SMG1: variants seen among roughly 807,000 people sequenced by gnomAD.
The protein encoded by SMG1 is SMG1 nonsense mediated mRNA decay associated PI3K related kinase, also known as serine/threonine-protein kinase SMG1.
SMG1 carries 22 observed loss-of-function variants against 419.9 expected under a neutral mutation model. The ratio of observed to expected loss-of-function variants is 0.05; its 90% CI spans 0.04 to 0.07. The LOEUF is 0.07. SMG1 is among the 10% of genes least tolerant of loss of function. The probability of loss-of-function intolerance (pLI) is 1.00; values close to 1 mark genes in which losing one functional copy is unlikely to be tolerated. For synonymous variants in SMG1, 1,538 were observed against 1,553.5 expected (o/e 0.99, Z 0.23); for missense variants, 3,185 against 4,342.0 (o/e 0.73, Z 7.49).
intron 31 of SMG1, among the ~76,000 whole-genome samples, 177 bp from the exon 32 acceptor site, chr16:18,852,639 G>A (rs754036465): frequency 1.5e-4 from 23 of 152,170 alleles, no homozygotes; most frequent in Non-Finnish European, 2.9e-4. Context: ...TTCTCTAAAA[G>A]GTTGGTATGT....
In SMG1 at chr16:18,809,334, C is replaced by T. The variant is rs1664462666; in HGVS notation, c.*235G>A. 1 of 512,408 alleles carries T rather than the reference C, an allele frequency of 2.0e-6. No individual in the cohort carries two copies. The highest frequency in any genetic ancestry group is 2.8e-5 in the South Asian group (1 of 35,888). 31.7% of individuals were successfully genotyped at this position (512,408 alleles called of 1,614,324 possible). A position where few individuals can be genotyped will look rare whatever the true frequency, so the allele number is the denominator to read the frequency against. Reference sequence around the variant, plus strand: ...ACAATCTCCGTGTTCAGGCGGTGAGCTTGCTTTCCTTCACCCTTGACCCTG... The same window carrying T: ...ACAATCTCCGTGTTCAGGCGGTGAGTTTGCTTTCCTTCACCCTTGACCCTG... On this transcript the variant is annotated 3_prime_UTR_variant, in exon 63 of 63. Transcript: ENST00000446231.
chr16:18,896,978 A>C (rs1055289848), intron 1 of SMG1, 22 bp from the exon 2 acceptor site: 99 of 1,462,246 alleles, frequency 6.8e-5, no homozygotes, highest in Non-Finnish European at 9.0e-5. Context: ...GAAAAGTTTA[A>C]GATTAGAACT....
In SMG1 at chr16:18,808,674, GCA is replaced by G. The variant is rs1306851488; in HGVS notation, c.*893_*894del. On this transcript the variant is annotated 3_prime_UTR_variant, in exon 63 of 63. Coordinates refer to ENST00000446231, the MANE Select transcript of SMG1 (RefSeq NM_015092.5). Reference sequence around the variant, plus strand: ...TCTGTTAGATTCATTACTTTTGAATGCACAGTGACAATTCTGGAAACTGTACA... The same window carrying G: ...TCTGTTAGATTCATTACTTTTGAATGCAGTGACAATTCTGGAAACTGTACA... The G allele has an allele frequency of 6.6e-6, 1 of 152,624 alleles. No individual in the cohort carries two copies. The highest frequency in any genetic ancestry group is 1.9e-4 in the East Asian group (1 of 5,200). The allele number at this position is 152,624 out of a possible 1,614,324, so 9.5% of individuals were successfully genotyped here.
chr16:18,860,212 T>A (rs2035142091), intron 26 of SMG1, among the ~76,000 whole-genome samples: 1 of 152,198 alleles, frequency 6.6e-6, no homozygotes, highest in Non-Finnish European at 1.5e-5. Flanking sequence ...AGTGAAACTC[T>A]GTCTCAACAA....
In SMG1 at chr16:18,845,596, C is replaced by T. The variant is rs748691778; in HGVS notation, c.6052G>A (p.Val2018Ile). The change falls in exon 39 of 63, where the codon GTA becomes ATA. Residue 2018 changes from valine to isoleucine, a missense_variant. By Grantham distance (29) the Val-to-Ile change is conservative. This residue lies in a region of SMG1 where 159 missense variants were observed against 196.0 expected (regional missense o/e 0.81). Transcript: ENST00000446231. ...CTCCTCACATGCTCCAAAGCAAATA[C>T]GATGGGCTTCATCAAAGCTGTGTGC... ...EKHTALMKPIVFALEHVRSIT... is the reference protein window; with the variant it reads ...EKHTALMKPIIFALEHVRSIT... 13 of 1,613,276 alleles carry T rather than the reference C, an allele frequency of 8.1e-6. No homozygotes were observed. The highest frequency in any genetic ancestry group is 1.7e-5 in the Admixed American group (1 of 59,990).
At chr16:18,853,945 A>AT in intron 30 of SMG1, 78 bp from the exon 31 acceptor site, 6 of 1,317,500 alleles carry the variant, frequency 4.6e-6, no homozygotes, top group Non-Finnish European at 6.2e-6. Flanking sequence ...TAGGAAACAA[A>AT]TATCAACATG....
intron 5 of SMG1, among the ~76,000 whole-genome samples, 162 bp downstream of exon 5, chr16:18,890,701 T>C (rs759470415): frequency 1.3e-3 from 192 of 152,202 alleles, no homozygotes; most frequent in Non-Finnish European, 1.6e-3. Context: ...TATTCAACCG[T>C]AATTAACACA....
rs757200993 is a variant in SMG1 at position 18,892,386 on chromosome 16, G to T, written c.413-32C>A. 4.6e-6 allele frequency: 7 copies of T among 1,510,202 alleles called. No individual in the cohort carries two copies. The South Asian group carries it at 8.8e-5, about 19-fold the overall frequency. 93.6% of individuals were successfully genotyped at this position (1,510,202 alleles called of 1,614,324 possible). On this transcript the variant is annotated intron_variant, in intron 3 of 62. Transcript: ENST00000446231. ...ATATATAAACATTTTGTTGTCCATT[G>T]AGTATAAATAAGCAAAGATATTTTT...
intron 11 of SMG1, chr16:18,879,213 T>C: frequency 2.4e-6 from 1 of 424,660 alleles, no homozygotes; most frequent in Non-Finnish European, 4.4e-6. Context: ...GTTCCTGGGC[T>C]TAATCGATCC....
chr16:18,808,379 T>G lies in SMG1; in HGVS notation c.*1190A>C, dbSNP rs755801873. 3.9e-5 allele frequency: 6 copies of G among 152,194 alleles called. No homozygotes were observed. Among genetic ancestry groups the G allele is most frequent in the Non-Finnish European group, 7.3e-5 (5 of 68,044 alleles). The allele number at this position is 152,194 out of a possible 1,614,324, so 9.4% of individuals were successfully genotyped here. A position where few individuals can be genotyped will look rare whatever the true frequency, so the allele number is the denominator to read the frequency against. ...GTAAATTAAACAACTTTTAATTTACTAAGTGTAAATTAAAAGTATCAAATG... is the reference window on the plus strand; with the variant it reads ...GTAAATTAAACAACTTTTAATTTACGAAGTGTAAATTAAAAGTATCAAATG... On this transcript the variant is annotated 3_prime_UTR_variant, in exon 63 of 63. Coordinates refer to ENST00000446231, the MANE Select transcript of SMG1 (RefSeq NM_015092.5).
In SMG1 at chr16:18,849,271, A is replaced by T. The variant is rs2034458289; in HGVS notation, c.5569T>A (p.Leu1857Met). The T allele has an allele frequency of 6.2e-7, 1 of 1,613,736 alleles. No individual in the cohort carries two copies. Among genetic ancestry groups the T allele is most frequent in the East Asian group, 2.2e-5 (1 of 44,864 alleles). ...ATGGTACCCACTATTGCAGGATACAATATGAGATGTGGGGAATCTTGAGCC... is the reference window on the plus strand; with the variant it reads ...ATGGTACCCACTATTGCAGGATACATTATGAGATGTGGGGAATCTTGAGCC... ...RVAQDSPHLI[L>M]YPAIVGTISL... Residue 1857 changes from leucine to methionine, a missense_variant, in exon 36 of 63, where the codon TTG (leucine) becomes ATG (methionine). Around this residue, in one of 27 missense-constraint regions of SMG1, gnomAD observed 130 missense variants for 162.0 expected, o/e 0.80. Transcript: ENST00000446231.
Position 18,919,655 on chromosome 16 carries a change from TATACACACAC to T in SMG1, c.92+6285_92+6294del, listed in dbSNP as rs1328833126. ...AAAAATGTGTGTGTGTGTGTGTATA[TATACACACAC>T]ACACACACACACACACACACACACA... On this transcript the variant is annotated intron_variant, in intron 1 of 62. Coordinates refer to ENST00000446231, the MANE Select transcript of SMG1 (RefSeq NM_015092.5). 7.5e-3 allele frequency among the ~76,000 whole-genome samples: 601 copies of T among 80,030 alleles called. 4 individuals carry two copies. The highest frequency in any genetic ancestry group is 0.026 in the African/African-American group (547 of 20,876). The allele number at this position is 80,030 out of a possible 152,430, so 52.5% of individuals were successfully genotyped here.
Position 18,909,611 on chromosome 16 carries a change from A to G in SMG1, c.93-12655T>C, listed in dbSNP as rs117236136. 5.3e-4 allele frequency among the ~76,000 whole-genome samples: 80 copies of G among 152,354 alleles called. No homozygotes were observed. In the East Asian group the frequency reaches 0.015, roughly 28 times the overall value. Reference sequence around the variant, plus strand: ...ATGAAATAAAAAATTTTAAACGTCAATTTAATTAGAGGTCTCAAGTAATTC... The same window carrying G: ...ATGAAATAAAAAATTTTAAACGTCAGTTTAATTAGAGGTCTCAAGTAATTC... On this transcript the variant is annotated intron_variant, in intron 1 of 62. Coordinates refer to ENST00000446231, the MANE Select transcript of SMG1 (RefSeq NM_015092.5).
At chr16:18,819,136 A>G (rs2032288748) in intron 56 of SMG1, among the ~76,000 whole-genome samples, 1 of 152,240 alleles carries the variant, frequency 6.6e-6, no homozygotes, top group South Asian at 2.1e-4. Context: ...CAAGGTCTTA[A>G]GACGTTTTAT....
In SMG1 at chr16:18,926,195, G is replaced by C. The variant is rs915999721; in HGVS notation, c.-154C>G. The stretch of plus-strand genomic sequence containing the variant: ...GGAGGAGGAGGAGAAGGAGGAGGCG[G>C]CGGAGGGCGGGGGAAGAGGACGGCC... On this transcript the variant is annotated 5_prime_UTR_variant, in exon 1 of 63. Transcript: ENST00000446231. 1.5e-6 allele frequency: 1 copy of C among 645,786 alleles called. No individual in the cohort carries two copies. The highest frequency in any genetic ancestry group is 2.5e-6 in the Non-Finnish European group (1 of 396,980). The allele number at this position is 645,786 out of a possible 1,614,324, so 40.0% of individuals were successfully genotyped here. A position where few individuals can be genotyped will look rare whatever the true frequency, so the allele number is the denominator to read the frequency against.
intron 41 of SMG1, 44 bp from the exon 42 acceptor site, chr16:18,839,990 A>C (rs1272420810): frequency 4.1e-6 from 6 of 1,461,922 alleles, no homozygotes; most frequent in Admixed American, 2.4e-5. Flanking sequence ...GATCAATTTT[A>C]TATAAGGAAA....
At chr16:18,812,649 C>CACACATATATACACATAT (rs2031565754) in intron 60 of SMG1, among the ~76,000 whole-genome samples, 1 of 123,828 alleles carries the variant, frequency 8.1e-6, no homozygotes, top group Non-Finnish European at 1.7e-5. Flanking sequence ...TACACATATA[C>CACACATATATACACATAT]ACACACACAC....
rs1450095216 is a variant in SMG1 at position 18,925,029 on chromosome 16, T to C, written c.92+921A>G. 6 of 152,162 alleles carry C rather than the reference T, an allele frequency of 3.9e-5. No homozygotes were observed. In the East Asian group the frequency reaches 1.2e-3, roughly 29 times the overall value. 9.4% of individuals were successfully genotyped at this position (152,162 alleles called of 1,614,324 possible). Reference sequence around the variant, plus strand: ...GAATCAATTACCCCTAAAATATATTTCTGTATATTTAAGGAGTTCTAAGCA... The same window carrying C: ...GAATCAATTACCCCTAAAATATATTCCTGTATATTTAAGGAGTTCTAAGCA... On this transcript the variant is annotated intron_variant, in intron 1 of 62. Transcript: ENST00000446231.
Position 18,849,998 on chromosome 16 carries a change from C to G in SMG1, c.5412G>C (p.Arg1804=). 2 of 1,613,982 alleles carry G rather than the reference C, an allele frequency of 1.2e-6. No individual in the cohort carries two copies. Among genetic ancestry groups the G allele is most frequent in the South Asian group, 2.2e-5 (2 of 91,086 alleles). The change falls in exon 35 of 63, where the codon CGG becomes CGC. Residue 1804 remains arginine (R), a synonymous_variant. Transcript: ENST00000446231. ...RLLVKHAGEL[R]QYLEHGLETT... ...TCTCCAAGCCGTGCTCCAGATACTG[C>G]CGAAGCTCACCAGCATGCTTCACGA... is the stretch of plus-strand genomic sequence containing the variant.
Sources: gnomAD v4.1 joint callset for allele counts (sites outside exome capture counted in the v4.1 genomes callset) on GRCh38, gnomAD v4.1.1 for gene constraint, gnomAD v4.1.1 regional missense constraint, MANE v1.5 for transcripts, NCBI Gene and HGNC (gene_info 2026-07-23, HGNC 2026-07-21) for gene names.